FBXW10B: variants seen among roughly 807,000 people sequenced by gnomAD.
FBXW10B encodes the protein F-box and WD repeat domain containing protein 10B.
At chr17:15,569,466 T>C in the FBXW10B span, among the ~76,000 whole-genome samples, 22 of 133,598 alleles carry the variant, frequency 1.6e-4, no homozygotes, top group African/African-American at 5.7e-4. Flanking sequence ...TTTTTTTTTT[T>C]TTTTTTTTTT....
chr17:15,577,092 G>A, the FBXW10B span, among the ~76,000 whole-genome samples: 2 of 149,732 alleles, frequency 1.3e-5, no homozygotes, highest in South Asian at 4.3e-4. Context: ...GTTTCTAAGG[G>A]TTGTTATGAT....
At chr17:15,568,874 A>C in the FBXW10B span, 2 of 1,231,606 alleles carry the variant, frequency 1.6e-6, no homozygotes, top group Non-Finnish European at 1.0e-6. Flanking sequence ...TTTACCCTGG[A>C]ATCTGTGCCC....
At chr17:15,593,693 A>T in the FBXW10B span, among the ~76,000 whole-genome samples, 2 of 144,170 alleles carry the variant, frequency 1.4e-5, no homozygotes, top group African/African-American at 5.2e-5. Flanking sequence ...CAACGGTGCG[A>T]TCTTGGCTCA....
chr17:15,585,746 A>G, the FBXW10B span, among the ~76,000 whole-genome samples: 1 of 152,224 alleles, frequency 6.6e-6, no homozygotes, highest in Non-Finnish European at 1.5e-5. Flanking sequence ...ATTGTTCTTT[A>G]GCCTTCTGGA....
chr17:15,579,696 T>C, the FBXW10B span, among the ~76,000 whole-genome samples: 1 of 152,268 alleles, frequency 6.6e-6, no homozygotes, highest in East Asian at 1.9e-4. Context: ...TGACTTAACA[T>C]TTCATAGGCT....
chr17:15,610,291 T>C, the FBXW10B span, among the ~76,000 whole-genome samples: 1 of 152,228 alleles, frequency 6.6e-6, no homozygotes, highest in Admixed American at 6.5e-5. Flanking sequence ...AGCCGCACTC[T>C]CTTACAGACT....
At chr17:15,604,647 G>A in the FBXW10B span, among the ~76,000 whole-genome samples, 1 of 152,100 alleles carries the variant, frequency 6.6e-6, no homozygotes, top group Non-Finnish European at 1.5e-5. Context: ...CCATTCTCCT[G>A]CCTCAGCGTC....
At chr17:15,602,896 G>C in the FBXW10B span, among the ~76,000 whole-genome samples, 1 of 120,806 alleles carries the variant, frequency 8.3e-6, no homozygotes, top group East Asian at 2.6e-4. Context: ...CAAAGTGCTG[G>C]GATTACAGGC....
chr17:15,578,812 G>T, the FBXW10B span, among the ~76,000 whole-genome samples: 2 of 152,020 alleles, frequency 1.3e-5, no homozygotes, highest in African/African-American at 4.8e-5. Flanking sequence ...TAATTCAGGG[G>T]TCACCACGTA....
chr17:15,598,703 A>G, the FBXW10B span: 47 of 1,593,724 alleles, frequency 2.9e-5, no homozygotes, highest in East Asian at 6.6e-4. Context: ...GGCCCAAAGG[A>G]TCATACTGCG....
the FBXW10B span, among the ~76,000 whole-genome samples, chr17:15,576,715 G>A: frequency 7.9e-5 from 12 of 151,564 alleles, no homozygotes; most frequent in African/African-American, 1.9e-4. Flanking sequence ...TAAGCTTTAG[G>A]TGTGGGCTGT....
At chr17:15,589,264 G>C in the FBXW10B span, 1 of 1,611,624 alleles carries the variant, frequency 6.2e-7, no homozygotes, top group African/African-American at 1.3e-5. Flanking sequence ...GTGTCATCCT[G>C]GCTGGTGGGT....
the FBXW10B span, among the ~76,000 whole-genome samples, chr17:15,608,539 C>T: frequency 5.3e-5 from 8 of 152,100 alleles, no homozygotes; most frequent in African/African-American, 7.2e-5. Context: ...CTGCAACCTC[C>T]GCCTCCCGAG....
the FBXW10B span, among the ~76,000 whole-genome samples, chr17:15,595,254 C>T: frequency 5.9e-5 from 9 of 152,186 alleles, no homozygotes; most frequent in Non-Finnish European, 1.2e-4. Flanking sequence ...GCAGGATATT[C>T]GCTTGAACCA....
chr17:15,595,924 T>TTTC, the FBXW10B span, among the ~76,000 whole-genome samples: 1 of 151,290 alleles, frequency 6.6e-6, no homozygotes, highest in Non-Finnish European at 1.5e-5. Context: ...TACTCTTTTT[T>TTTC]TTTTTTTTGA....
At chr17:15,578,721 G>A in the FBXW10B span, among the ~76,000 whole-genome samples, 1 of 151,950 alleles carries the variant, frequency 6.6e-6, no homozygotes, top group East Asian at 1.9e-4. Flanking sequence ...TTCGTAGCTG[G>A]GACAATAGGA....
the FBXW10B span, among the ~76,000 whole-genome samples, chr17:15,576,832 A>T: frequency 6.7e-6 from 1 of 150,148 alleles, no homozygotes; most frequent in East Asian, 1.9e-4. Context: ...GAAATGAATG[A>T]TGAAGATGGA....
the FBXW10B span, among the ~76,000 whole-genome samples, chr17:15,575,474 G>T: frequency 6.7e-6 from 1 of 149,834 alleles, no homozygotes. Context: ...TCTCCTCTTT[G>T]TAGCCGACTT....
the FBXW10B span, among the ~76,000 whole-genome samples, chr17:15,589,559 G>C: frequency 6.6e-6 from 1 of 151,308 alleles, no homozygotes; most frequent in African/African-American, 2.4e-5. Context: ...TATATGATTT[G>C]CTTAAATCGT....
Sources: allele counts gnomAD v4.1 joint callset (sites outside exome capture counted in the v4.1 genomes callset), GRCh38; gene constraint gnomAD v4.1.1; transcripts MANE v1.5; gene names NCBI Gene and HGNC (gene_info 2026-07-23, HGNC 2026-07-21).